Variants in MTO1 observed in about 807,000 individuals in gnomAD.
MTO1 encodes 5-taurinomethyluridine-[tRNA] synthase subunit MTO1, mitochondrial.
Under a neutral mutation model 71.6 loss-of-function variants are expected in MTO1, and 46 were observed. The ratio of observed to expected loss-of-function variants is 0.64; its 90% CI spans 0.51 to 0.82. MTO1 has a LOEUF of 0.82. Ranked by LOEUF, MTO1 falls within the 40% of genes least tolerant of loss-of-function variation. The pLI is 0.00. For synonymous variants in MTO1, 297 were observed against 312.1 expected (o/e 0.95, Z 0.51); for missense variants, 773 against 867.5 (o/e 0.89, Z 1.37).
intron 3 of MTO1, 128 bp from the exon 4 acceptor site, chr6:73,473,236 AC>A (rs1771199793): frequency 1.0e-6 from 1 of 995,252 alleles, no homozygotes; most frequent in East Asian, 2.7e-5. Flanking sequence ...CGGACATTGC[AC>A]CACTGCCCTC....
chr6:73,462,222 G>T, intron 1 of MTO1, 151 bp downstream of exon 1: 2 of 811,612 alleles, frequency 2.5e-6, no homozygotes, highest in Non-Finnish European at 3.9e-6. Context: ...TGTCTCGCAA[G>T]GATCAGGCGG....
chr6:73,482,380 A>G (rs1771528090), intron 8 of MTO1, 69 bp from the exon 9 acceptor site: 1 of 1,543,578 alleles, frequency 6.5e-7, no homozygotes, highest in Non-Finnish European at 8.9e-7. Context: ...ATAGTGAGAC[A>G]CTGTCTCTAC....
chr6:73,491,038 G>A (rs1271833101), intron 9 of MTO1, among the ~76,000 whole-genome samples: 1 of 152,198 alleles, frequency 6.6e-6, no homozygotes, highest in Non-Finnish European at 1.5e-5. Context: ...CTGGATCTAT[G>A]TGCATTAATA....
chr6:73,467,588 G>C (rs1221519448), intron 3 of MTO1, among the ~76,000 whole-genome samples: 1 of 138,634 alleles, frequency 7.2e-6, no homozygotes, highest in African/African-American at 2.6e-5. Flanking sequence ...TCTCCAGCCT[G>C]GGCAACAAGA....
rs914710276 is a variant in MTO1 at position 73,504,802 on chromosome 6, C to CT, written c.*4069dup. ...CTTGGGGGCTGAGGCAGGAGAATCA[C>CT]TTGAGCCGGGGAGTTTGAGGCTGCA... On this transcript the variant is annotated 3_prime_UTR_variant, in exon 12 of 12. Coordinates refer to ENST00000498286, the MANE Select transcript of MTO1 (RefSeq NM_012123.4). 1 of 152,202 alleles carries CT rather than the reference C, an allele frequency of 6.6e-6. No homozygotes were observed. Among genetic ancestry groups the CT allele is most frequent in the African/African-American group, 2.4e-5 (1 of 41,446 alleles). 9.4% of individuals were successfully genotyped at this position (152,202 alleles called of 1,614,324 possible).
chr6:73,494,432 G>A (rs1771923794), intron 10 of MTO1, among the ~76,000 whole-genome samples: 1 of 151,868 alleles, frequency 6.6e-6, no homozygotes. Context: ...CAGCCAGAAT[G>A]GTGATCATGC....
At chr6:73,466,720 T>C in intron 3 of MTO1, 114 bp downstream of exon 3, 1 of 860,552 alleles carries the variant, frequency 1.2e-6, no homozygotes, top group South Asian at 1.6e-5. Flanking sequence ...TTGTTGCATT[T>C]TCTCTACCTG....
intron 3 of MTO1, among the ~76,000 whole-genome samples, chr6:73,467,479 G>T (rs1288409563): frequency 6.6e-6 from 1 of 151,820 alleles, no homozygotes. Flanking sequence ...CAGGTGTGGT[G>T]GCGCATGCTT....
At chr6:73,466,742 C>A in intron 3 of MTO1, 136 bp downstream of exon 3, 1 of 682,982 alleles carries the variant, frequency 1.5e-6, no homozygotes, top group Non-Finnish European at 2.5e-6. Context: ...ATGAGGAAAA[C>A]TATATAAATA....
At position 73,501,750 on chromosome 6, in the gene MTO1, T is replaced by C. The variant is rs564409356; in HGVS notation, c.*1015T>C. ...TCTCTGGAATTCCAACCCAGATCTC[T>C]GGTGTCAGCCTAGGGAGAAGCTCCC... is the stretch of plus-strand genomic sequence containing the variant. On this transcript the variant is annotated 3_prime_UTR_variant, in exon 12 of 12. Transcript: ENST00000498286. 1 of 152,298 alleles carries C rather than the reference T, an allele frequency of 6.6e-6. No homozygotes were observed. The highest frequency in any genetic ancestry group is 1.5e-5 in the Non-Finnish European group (1 of 68,038). The allele number at this position is 152,298 out of a possible 1,614,324, so 9.4% of individuals were successfully genotyped here.
At chr6:73,468,672 A>T (rs1329813797) in intron 3 of MTO1, among the ~76,000 whole-genome samples, 1 of 151,684 alleles carries the variant, frequency 6.6e-6, no homozygotes, top group Non-Finnish European at 1.5e-5. Flanking sequence ...CAGTGGTACG[A>T]TCTTGGCTCA....
At position 73,480,822 on chromosome 6, in the gene MTO1, T is replaced by G. The variant is rs780859448; in HGVS notation, c.1260+17T>G. 9.3e-6 allele frequency: 15 copies of G among 1,612,928 alleles called. No homozygotes were observed. Among genetic ancestry groups the G allele is most frequent in the Admixed American group, 6.7e-5 (4 of 59,874 alleles). On this transcript the variant is annotated intron_variant, in intron 7 of 11. Transcript: ENST00000498286. ...GCAGCTCAAGTAAGAAGTTAAGATA[T>G]TAATGTAAACTGAAAGGGACTATTT...
In MTO1 at chr6:73,507,680, A is replaced by G. The variant is rs1213986283; in HGVS notation, c.*6945A>G. On this transcript the variant is annotated 3_prime_UTR_variant, in exon 12 of 12. Coordinates refer to ENST00000498286, the MANE Select transcript of MTO1 (RefSeq NM_012123.4). ...GGACCAGAGGTCCTCTACTGGATTAAAAGTTTCTCCATCCCGGCAGGGTGC... is the reference window on the plus strand; with the variant it reads ...GGACCAGAGGTCCTCTACTGGATTAGAAGTTTCTCCATCCCGGCAGGGTGC... 1.3e-5 allele frequency: 2 copies of G among 152,224 alleles called. No individual in the cohort carries two copies. Among genetic ancestry groups the G allele is most frequent in the Non-Finnish European group, 2.9e-5 (2 of 68,066 alleles). The allele number at this position is 152,224 out of a possible 1,614,324, so 9.4% of individuals were successfully genotyped here.
rs1368430055 is a variant in MTO1 at position 73,503,874 on chromosome 6, T to C, written c.*3139T>C. The stretch of plus-strand genomic sequence containing the variant: ...GCTTAAATTTTGTTACTGATGGTTT[T>C]AAAAGTATTTTGTCATTTTTTAGTT... On this transcript the variant is annotated 3_prime_UTR_variant, in exon 12 of 12. Transcript: ENST00000498286. 1 of 152,258 alleles carries C rather than the reference T, an allele frequency of 6.6e-6. No individual in the cohort carries two copies. The highest frequency in any genetic ancestry group is 1.5e-5 in the Non-Finnish European group (1 of 68,048). 9.4% of individuals were successfully genotyped at this position (152,258 alleles called of 1,614,324 possible).
intron 3 of MTO1, among the ~76,000 whole-genome samples, chr6:73,468,471 C>T (rs1223627995): frequency 6.6e-6 from 1 of 152,000 alleles, no homozygotes. Context: ...CCTTCCCTCT[C>T]TCCTTCTGAT....
At chr6:73,480,206 T>C (rs1771448291) in intron 6 of MTO1, 80 bp downstream of exon 6, 2 of 1,374,364 alleles carry the variant, frequency 1.5e-6, no homozygotes, top group Non-Finnish European at 2.1e-6. Context: ...GCTACAGTCA[T>C]TGTTGTTCAG....
At chr6:73,486,182 A>C (rs181886242) in intron 9 of MTO1, among the ~76,000 whole-genome samples, 1 of 152,196 alleles carries the variant, frequency 6.6e-6, no homozygotes, top group East Asian at 1.9e-4. Flanking sequence ...TGCTCAGGTG[A>C]TTCTCCTACC....
At position 73,503,690 on chromosome 6, in the gene MTO1, T is replaced by C. The variant is rs894936917; in HGVS notation, c.*2955T>C. Reference sequence around the variant, plus strand: ...CTGCCTACCAGTTGAAAAAGCCAGGTATTTTTTCAATTCAATTCAACAGGA... The same window carrying C: ...CTGCCTACCAGTTGAAAAAGCCAGGCATTTTTTCAATTCAATTCAACAGGA... On this transcript the variant is annotated 3_prime_UTR_variant, in exon 12 of 12. Coordinates refer to ENST00000498286, the MANE Select transcript of MTO1 (RefSeq NM_012123.4). 3.9e-5 allele frequency: 6 copies of C among 152,192 alleles called. No homozygotes were observed. The highest frequency in any genetic ancestry group is 7.3e-5 in the Non-Finnish European group (5 of 68,042). The allele number at this position is 152,192 out of a possible 1,614,324, so 9.4% of individuals were successfully genotyped here.
At chr6:73,492,509 G>T (rs1771840826) in intron 10 of MTO1, among the ~76,000 whole-genome samples, 157 bp downstream of exon 10, 3 of 152,096 alleles carry the variant, frequency 2.0e-5, no homozygotes. Flanking sequence ...CTACAAGCTT[G>T]TTAGAAATAC....
Sources: allele counts gnomAD v4.1 joint callset (sites outside exome capture counted in the v4.1 genomes callset), GRCh38; gene constraint gnomAD v4.1.1; transcripts MANE v1.5; gene names NCBI Gene and HGNC (gene_info 2026-07-23, HGNC 2026-07-21).